Variants in ADGRA2 observed in about 807,000 individuals in gnomAD.
ADGRA2 encodes the protein adhesion G protein-coupled receptor A2.
Under a neutral mutation model 98.7 loss-of-function variants are expected in ADGRA2, and 61 were observed. The observed-to-expected ratio is 0.62, with a 90% CI of 0.50 to 0.76. The LOEUF is 0.76. ADGRA2 is among the 30% of genes least tolerant of loss of function. ADGRA2 has a pLI of 0.00. For missense variants in ADGRA2, 1,712 were observed against 1,860.0 expected (o/e 0.92, Z 1.46); for synonymous variants, 858 against 831.5 (o/e 1.03, Z -0.55).
At chr8:37,822,002 G>T (rs1340144066) in intron 2 of ADGRA2, among the ~76,000 whole-genome samples, 1 of 152,138 alleles carries the variant, frequency 6.6e-6, no homozygotes, top group Non-Finnish European at 1.5e-5. Context: ...AAGCTGCCTG[G>T]ACTCCTGCAC....
In ADGRA2 at chr8:37,830,746, C is replaced by A. The variant is rs771754787; in HGVS notation, c.755C>A (p.Pro252Gln). ...GAGCTGCACACACACCACCTCATCCCGTCCCTACGCCAAGTGGTGTTCCAG... is the reference window on the plus strand; with the variant it reads ...GAGCTGCACACACACCACCTCATCCAGTCCCTACGCCAAGTGGTGTTCCAG... ...ALELHTHHLI[P>Q]SLRQVVFQGD... The change falls in exon 7 of 19, where the codon CCG becomes CAG. Residue 252 changes from proline to glutamine, a missense_variant. Pro to Gln is a moderately conservative substitution (Grantham distance 76). Coordinates refer to ENST00000412232, the MANE Select transcript of ADGRA2 (RefSeq NM_032777.10). The surrounding 1 kb of genome is among the most constrained non-coding windows in gnomAD (Gnocchi z 4.8). The A allele has an allele frequency of 5.6e-6, 9 of 1,605,884 alleles. No homozygotes were observed. The highest frequency in any genetic ancestry group is 2.3e-5 in the East Asian group (1 of 44,366).
intron 2 of ADGRA2, 23 bp from the exon 3 acceptor site, chr8:37,828,865 G>GGCCTCTGCACTT: frequency 6.3e-7 from 1 of 1,586,158 alleles, no homozygotes; most frequent in Non-Finnish European, 8.6e-7. Context: ...GAGGTGTGAG[G>GGCCTCTGCACTT]GCCTCTGCAC....
At position 37,839,514 on chromosome 8, in the gene ADGRA2, C is replaced by T. The variant is rs1253907110; in HGVS notation, c.2403C>T (p.Ser801=). 1 of 1,614,022 alleles carries T rather than the reference C, an allele frequency of 6.2e-7. No homozygotes were observed. The highest frequency in any genetic ancestry group is 8.5e-7 in the Non-Finnish European group (1 of 1,180,018). The change falls in exon 16 of 19, where the codon TCC becomes TCT. Residue 801 remains serine, a synonymous_variant. Transcript: ENST00000412232. Reference sequence around the variant, plus strand: ...TTCCGGGCAGCTCCATCCGTGTGTCCCGGAAAGGCTGGCACATGCTGCTGA... The same window carrying T: ...TTCCGGGCAGCTCCATCCGTGTGTCTCGGAAAGGCTGGCACATGCTGCTGA... ...YILNHSSIRV[S]RKGWHMLLNL...
Position 37,803,210 on chromosome 8 carries a change from A to C in ADGRA2, c.266+5676A>C, listed in dbSNP as rs572742207. On this transcript the variant is annotated intron_variant, in intron 1 of 18. Coordinates refer to ENST00000412232, the MANE Select transcript of ADGRA2 (RefSeq NM_032777.10). The stretch of plus-strand genomic sequence containing the variant: ...TCATTGGGAGAAGAACCCTTTCCTG[A>C]TGGAGAATAAGTTCCAGCCACCTCT... Among the ~76,000 whole-genome samples the C allele has an allele frequency of 2.6e-5, 4 of 152,340 alleles. No homozygotes were observed. In the East Asian group the frequency reaches 7.7e-4, roughly 29 times the overall value.
chr8:37,806,444 C>T (rs1332312870), intron 1 of ADGRA2, among the ~76,000 whole-genome samples: 2 of 152,018 alleles, frequency 1.3e-5, no homozygotes, highest in African/African-American at 4.8e-5. Flanking sequence ...TCCTCTCTGG[C>T]ACCACCTCGG....
intron 16 of ADGRA2, 58 bp downstream of exon 16, chr8:37,839,680 C>A: frequency 1.3e-6 from 2 of 1,591,334 alleles, no homozygotes; most frequent in Admixed American, 1.7e-5. Context: ...GGCACCTAGG[C>A]ATAGAGTGGG....
chr8:37,806,846 A>G (rs78342138), intron 1 of ADGRA2, among the ~76,000 whole-genome samples: 86 of 152,130 alleles, frequency 5.7e-4, no homozygotes, highest in African/African-American at 2.0e-3. Context: ...CCATTTTCTT[A>G]GGCTTCTGTC....
chr8:37,813,029 G>A (rs1185426354), intron 1 of ADGRA2, among the ~76,000 whole-genome samples: 2 of 151,976 alleles, frequency 1.3e-5, no homozygotes, highest in African/African-American at 4.8e-5. Context: ...TATAGGAAGG[G>A]CATGAACTGG....
chr8:37,842,303 C>A lies in ADGRA2; in HGVS notation c.3965C>A (p.Ala1322Asp). The change falls in exon 19 of 19, where the codon GCC becomes GAC. Residue 1322 changes from alanine (A) to aspartate (D), a missense_variant. By Grantham distance (126) the Ala-to-Asp change is moderately radical. Coordinates refer to ENST00000412232, the MANE Select transcript of ADGRA2 (RefSeq NM_032777.10). ...GTCACCCTGATGGGCGCGGAGGTAGCCAGCGGCGGCTGCATGAAGACCGGA... is the reference window on the plus strand; with the variant it reads ...GTCACCCTGATGGGCGCGGAGGTAGACAGCGGCGGCTGCATGAAGACCGGA... Reference protein sequence around the residue: ...DDVTLMGAEVASGGCMKTGLW... With the variant: ...DDVTLMGAEVDSGGCMKTGLW... 1 of 1,547,538 alleles carries A rather than the reference C, an allele frequency of 6.5e-7. No individual in the cohort carries two copies. The highest frequency in any genetic ancestry group is 2.1e-5 in the Admixed American group (1 of 47,020).
intron 2 of ADGRA2, among the ~76,000 whole-genome samples, chr8:37,818,557 A>T (rs773487290): frequency 1.3e-5 from 2 of 152,202 alleles, no homozygotes; most frequent in Non-Finnish European, 2.9e-5. Context: ...GCAGTACTAG[A>T]GTGGGAATTC....
chr8:37,807,770 T>C (rs1804720068), intron 1 of ADGRA2, among the ~76,000 whole-genome samples: 1 of 152,164 alleles, frequency 6.6e-6, no homozygotes, highest in Admixed American at 6.5e-5. Context: ...AACCTAGTGA[T>C]GGCCTGAACC....
At chr8:37,805,862 CCTT>C (rs1345823556) in intron 1 of ADGRA2, among the ~76,000 whole-genome samples, 1 of 151,966 alleles carries the variant, frequency 6.6e-6, no homozygotes, top group African/African-American at 2.4e-5. Context: ...GAGTGAGACT[CCTT>C]CTCAAACAAA....
At position 37,802,461 on chromosome 8, in the gene ADGRA2, A is replaced by G. The variant is rs1804536910; in HGVS notation, c.266+4927A>G. Among the ~76,000 whole-genome samples, 1 of 152,152 alleles carries G rather than the reference A, an allele frequency of 6.6e-6. No individual in the cohort carries two copies. Among genetic ancestry groups the G allele is most frequent in the Middle Eastern group, 3.4e-3 (1 of 294 alleles). ...GAGGGGGAGGGGGAAAGAGCAAAGA[A>G]AAAGAAGGAAAGAAGAGAGGGAAGA... On this transcript the variant is annotated intron_variant, in intron 1 of 18. Transcript: ENST00000412232. The surrounding 1 kb of genome is among the most constrained non-coding windows in gnomAD (Gnocchi z 4.7).
chr8:37,828,404 G>A (rs372668687), intron 2 of ADGRA2, among the ~76,000 whole-genome samples: 46 of 151,372 alleles, frequency 3.0e-4, no homozygotes, highest in African/African-American at 9.0e-4. Context: ...TGGCTTCTTC[G>A]TCTCCTCTCT....
chr8:37,806,609 A>G (rs1181238910), intron 1 of ADGRA2, among the ~76,000 whole-genome samples: 1 of 143,632 alleles, frequency 7.0e-6, no homozygotes, highest in Non-Finnish European at 1.5e-5. Flanking sequence ...GGCTCTCTGC[A>G]ACCTCTGCCT....
rs1804934886 is a variant in ADGRA2 at position 37,814,945 on chromosome 8, G to A, written c.316G>A (p.Gly106Arg). 1 of 1,612,460 alleles carries A rather than the reference G, an allele frequency of 6.2e-7. No individual in the cohort carries two copies. Among genetic ancestry groups the A allele is most frequent in the Non-Finnish European group, 8.5e-7 (1 of 1,178,618 alleles). The change falls in exon 2 of 19, where the codon GGA (glycine) becomes AGA (arginine). Residue 106 changes from glycine (G) to arginine (R), a missense_variant. Physicochemically the swap from Gly to Arg is moderately radical, Grantham distance 125 (BLOSUM62 -2). Transcript: ENST00000412232. This position sits in a 1 kb window ranked among gnomAD's most constrained non-coding sequence, Gnocchi z 4.3. ...ITGLRNGSFL[G>R]LSLLEKLDLR... ...GGGGCTCCGCAATGGCTCCTTCCTG[G>A]GACTGTCACTGCTGGAGAAGCTGTA...
chr8:37,835,921 A>G, intron 13 of ADGRA2, 151 bp downstream of exon 13: 1 of 615,442 alleles, frequency 1.6e-6, no homozygotes, highest in Non-Finnish European at 2.9e-6. Flanking sequence ...CCAACAGGGC[A>G]GAGGGTAGAG....
intron 2 of ADGRA2, among the ~76,000 whole-genome samples, chr8:37,818,268 C>T (rs905015597): frequency 1.3e-5 from 2 of 152,234 alleles, no homozygotes; most frequent in African/African-American, 2.4e-5. Flanking sequence ...TCCTCCTCCT[C>T]CTTAGCACAC....
At chr8:37,828,999 C>T in intron 3 of ADGRA2, 40 bp downstream of exon 3, 1 of 1,420,000 alleles carries the variant, frequency 7.0e-7, no homozygotes, top group Non-Finnish European at 9.5e-7. Flanking sequence ...CCCTCCCCTC[C>T]CGAGGGAGAA....
Sources: allele counts gnomAD v4.1 joint callset (sites outside exome capture counted in the v4.1 genomes callset), GRCh38; gene constraint gnomAD v4.1.1; non-coding constraint Gnocchi (gnomAD v3.1); transcripts MANE v1.5; gene names NCBI Gene and HGNC (gene_info 2026-07-23, HGNC 2026-07-21).